The following MROH1 variants were observed in gnomAD, a reference collection of about 807,000 sequenced individuals.
The protein encoded by MROH1 is maestro heat like repeat family member 1, also known as maestro heat-like repeat-containing protein family member 1.
In MROH1, 117 loss-of-function variants were observed where a neutral mutation model predicts 116.5. The ratio of observed to expected loss-of-function variants is 1.00; its 90% CI spans 0.86 to 1.17. The LOEUF (loss-of-function observed/expected upper bound fraction) is 1.17, where lower values mean the gene tolerates loss of function less well. Ranked by LOEUF, MROH1 falls within the 50% of genes most tolerant of loss-of-function variation. The probability of loss-of-function intolerance (pLI) is 0.00; values close to 1 mark genes in which losing one functional copy is unlikely to be tolerated. For synonymous variants in MROH1, 921 were observed against 583.9 expected, an observed-to-expected ratio of 1.58 and a Z score of -8.32; for missense variants, 1,873 against 1,338.5, an observed-to-expected ratio of 1.40 and a Z score of -6.23.
intron 13 of MROH1, 54 bp from the exon 14 acceptor site, chr8:144,223,054 T>C (rs1837124545): frequency 6.2e-7 from 1 of 1,606,922 alleles, no homozygotes; most frequent in African/African-American, 1.3e-5. Flanking sequence ...CTGGCTGGAC[T>C]GGCATGGCAG....
rs1844435636 is a variant in MROH1 at position 144,258,911 on chromosome 8, C to G, written c.3926C>G (p.Ala1309Gly). 2 of 747,882 alleles carry G rather than the reference C, an allele frequency of 2.7e-6. No individual in the cohort carries two copies. Among genetic ancestry groups the G allele is most frequent in the Admixed American group, 1.8e-5 (1 of 55,122 alleles). 46.3% of individuals were successfully genotyped at this position (747,882 alleles called of 1,614,324 possible). A position where few individuals can be genotyped will look rare whatever the true frequency, so the allele number is the denominator to read the frequency against. ...AGHEEGATRLARAMAEHAGPR... is the reference protein window; with the variant it reads ...AGHEEGATRLGRAMAEHAGPR... ...CATGAGGAGGGGGCCACCAGGTTGGCCAGGTGAGCGGGCCCAGCCCACTGC... is the reference window on the plus strand; with the variant it reads ...CATGAGGAGGGGGCCACCAGGTTGGGCAGGTGAGCGGGCCCAGCCCACTGC... Residue 1309 changes from alanine (A) to glycine (G), a missense_variant, in exon 36 of 44, where the codon GCC (alanine) becomes GGC (glycine). Physicochemically the swap from Ala to Gly is moderately conservative, Grantham distance 60 (BLOSUM62 0). Coordinates refer to ENST00000326134, the MANE Select transcript of MROH1 (RefSeq NM_032450.3).
chr8:144,160,693 G>T (rs534019053), intron 1 of MROH1, among the ~76,000 whole-genome samples: 1 of 149,422 alleles, frequency 6.7e-6, no homozygotes, highest in South Asian at 2.1e-4. Flanking sequence ...AGTTCTTGGA[G>T]TCAGAAGTCT....
intron 12 of MROH1, among the ~76,000 whole-genome samples, chr8:144,218,074 G>A (rs760689983): frequency 3.3e-5 from 5 of 152,234 alleles, no homozygotes; most frequent in African/African-American, 1.2e-4. Flanking sequence ...GTTAGTGCCC[G>A]TCTACTCAAT....
At chr8:144,260,395 G>A (rs1325451919) in intron 39 of MROH1, 21 bp downstream of exon 39, 1 of 706,882 alleles carries the variant, frequency 1.4e-6, no homozygotes, top group African/African-American at 1.7e-5. Context: ...TGGGGCAGGG[G>A]GAGGGAAGAG....
Position 144,260,315 on chromosome 8 carries a change from T to C in MROH1, c.4321T>C (p.Trp1441Arg). Reference sequence around the variant, plus strand: ...GAGGCTGGTGCACCTGGTGGAGTCCTGGGACCTGCGCTCAGGGCTGCTGCA... The same window carrying C: ...GAGGCTGGTGCACCTGGTGGAGTCCCGGGACCTGCGCTCAGGGCTGCTGCA... ...LARLVHLVES[W>R]DLRSGLLHVA... Residue 1441 changes from tryptophan (W) to arginine (R), a missense_variant, in exon 39 of 44, where the codon TGG (tryptophan) becomes CGG (arginine). Coordinates refer to ENST00000326134, the MANE Select transcript of MROH1 (RefSeq NM_032450.3). 1.3e-6 allele frequency: 1 copy of C among 747,638 alleles called. No homozygotes were observed. The highest frequency in any genetic ancestry group is 2.5e-6 in the Non-Finnish European group (1 of 407,780). The allele number at this position is 747,638 out of a possible 1,614,324, so 46.3% of individuals were successfully genotyped here. A position where few individuals can be genotyped will look rare whatever the true frequency, so the allele number is the denominator to read the frequency against.
chr8:144,227,106 A>G (rs1446251306), intron 14 of MROH1, among the ~76,000 whole-genome samples: 2 of 152,196 alleles, frequency 1.3e-5, no homozygotes, highest in Non-Finnish European at 2.9e-5. Flanking sequence ...TAATTTTTAG[A>G]TATTGACCAT....
intron 14 of MROH1, among the ~76,000 whole-genome samples, chr8:144,229,775 T>C (rs1838487437): frequency 6.6e-6 from 1 of 152,218 alleles, no homozygotes; most frequent in African/African-American, 2.4e-5. Context: ...AGCTTATGCC[T>C]GTAATCCCAG....
intron 7 of MROH1, among the ~76,000 whole-genome samples, chr8:144,187,024 G>A (rs1827363893): frequency 1.3e-5 from 2 of 151,880 alleles, no homozygotes; most frequent in Non-Finnish European, 2.9e-5. Context: ...CTTGAACCTG[G>A]GAGTCAGAGG....
chr8:144,184,343 T>A (rs1010497297), intron 7 of MROH1, among the ~76,000 whole-genome samples: 1 of 152,088 alleles, frequency 6.6e-6, no homozygotes, highest in African/African-American at 2.4e-5. Context: ...GGGTCTCGGC[T>A]CTGGTGTGGG....
Position 144,180,294 on chromosome 8 carries a change from A to C in MROH1, c.417A>C (p.Pro139=), listed in dbSNP as rs1341299566. The C allele has an allele frequency of 6.2e-7, 1 of 1,607,650 alleles. No individual in the cohort carries two copies. The highest frequency in any genetic ancestry group is 1.7e-5 in the Admixed American group (1 of 59,830). Residue 139 remains proline (P), a synonymous_variant, in exon 6 of 44, where the codon CCA becomes CCC. Coordinates refer to ENST00000326134, the MANE Select transcript of MROH1 (RefSeq NM_032450.3). This position sits in a 1 kb window ranked among gnomAD's most constrained non-coding sequence, Gnocchi z 7.4. The stretch of plus-strand genomic sequence containing the variant: ...GCAGGCTGCACCCTGGGACCCTGCC[A>C]CACTGCGCCGTGCTGCACACCCTCG... ...LLRRLHPGTL[P]HCAVLHTLAS...
chr8:144,188,306 C>T (rs555455175), intron 7 of MROH1, among the ~76,000 whole-genome samples: 6 of 152,300 alleles, frequency 3.9e-5, no homozygotes, highest in African/African-American at 7.2e-5. Flanking sequence ...GAAAGGCTCA[C>T]CCATGGCCCT....
At chr8:144,184,535 A>G (rs1826464790) in intron 7 of MROH1, among the ~76,000 whole-genome samples, 1 of 152,280 alleles carries the variant, frequency 6.6e-6, no homozygotes, top group Non-Finnish European at 1.5e-5. Flanking sequence ...CTACAAGGAC[A>G]GAGCCAGTGT....
At chr8:144,179,718 T>A (rs1477040688) in intron 5 of MROH1, 132 bp downstream of exon 5, 1 of 1,168,660 alleles carries the variant, frequency 8.6e-7, no homozygotes, top group Non-Finnish European at 1.2e-6. Flanking sequence ...CAGATGCCCT[T>A]CGGTCTCATG....
rs556271083 is a variant in MROH1, at chr8:144,161,817, G to T, written c.-57+728G>T. ...CGCCCGTTTCTTCCTGGACGACGGAGCTGGGCAGTGCTGGCTACCCGCAGG... is the reference window on the plus strand; with the variant it reads ...CGCCCGTTTCTTCCTGGACGACGGATCTGGGCAGTGCTGGCTACCCGCAGG... On this transcript the variant is annotated intron_variant, in intron 2 of 43. Coordinates refer to ENST00000326134, the MANE Select transcript of MROH1 (RefSeq NM_032450.3). 2.2e-4 allele frequency among the ~76,000 whole-genome samples: 34 copies of T among 152,296 alleles called. No individual in the cohort carries two copies. In the East Asian group the frequency reaches 6.2e-3, roughly 28 times the overall value.
Position 144,168,440 on chromosome 8 carries a change from G to C in MROH1, c.168G>C (p.Lys56Asn). ...AGGAGTATCTGCGGCAGCATGACAA[G>C]GTATGTGTGCTCCTTGGTGGGGATG... ...ACEEYLRQHDKLAHPYRAAVL... is the reference protein window; with the variant it reads ...ACEEYLRQHDNLAHPYRAAVL... The change falls in exon 4 of 44, where the codon AAG becomes AAC. Residue 56 changes from lysine (K) to asparagine (N), a missense_variant and splice_region_variant. Lys to Asn is a moderately conservative substitution (Grantham distance 94). Transcript: ENST00000326134. The C allele has an allele frequency of 6.2e-7, 1 of 1,604,568 alleles. No homozygotes were observed. Among genetic ancestry groups the C allele is most frequent in the Non-Finnish European group, 8.5e-7 (1 of 1,176,094 alleles).
chr8:144,186,704 T>A (rs1013691937), intron 7 of MROH1, among the ~76,000 whole-genome samples: 1 of 151,964 alleles, frequency 6.6e-6, no homozygotes, highest in South Asian at 2.1e-4. Context: ...ACCCCAGGAG[T>A]GAGAGGCCAG....
chr8:144,260,080 T>TG, intron 38 of MROH1, 23 bp downstream of exon 38: 1 of 732,972 alleles, frequency 1.4e-6, no homozygotes, highest in Non-Finnish European at 2.5e-6. Context: ...CCAGCCCCTC[T>TG]GGGTCCCAGG....
chr8:144,191,316 C>T (rs10094509), intron 8 of MROH1, among the ~76,000 whole-genome samples: 147,419 of 152,258 alleles, frequency 0.97, 71,534 homozygotes, highest in South Asian at 1. Context: ...GCGATCCACC[C>T]GCCTTGGCCT....
chr8:144,231,131 T>TCA (rs1838803776), intron 14 of MROH1, among the ~76,000 whole-genome samples: 1 of 147,754 alleles, frequency 6.8e-6, no homozygotes, highest in Admixed American at 6.8e-5. Context: ...GGGGGTAAGG[T>TCA]CACAGATCAA....
Sources: allele counts gnomAD v4.1 joint callset (sites outside exome capture counted in the v4.1 genomes callset), GRCh38; gene constraint gnomAD v4.1.1; non-coding constraint Gnocchi (gnomAD v3.1); transcripts MANE v1.5; gene names NCBI Gene and HGNC (gene_info 2026-07-23, HGNC 2026-07-21).